COX17: variants seen among roughly 807,000 people sequenced by gnomAD.
COX17 encodes the protein cytochrome c oxidase copper chaperone.
COX17 carries 1 observed loss-of-function variant against 6.3 expected under a neutral mutation model. The observed-to-expected ratio is 0.16, with a 90% CI of 0.06 to 0.75. The LOEUF is 0.75. Ranked by LOEUF, COX17 falls within the 30% of genes least tolerant of loss-of-function variation. COX17 has a pLI of 0.77. For missense variants in COX17, 73 were observed against 81.2 expected (o/e 0.90, Z 0.39); for synonymous variants, 26 against 30.5 (o/e 0.85, Z 0.49).
intron 1 of COX17, 94 bp downstream of exon 1, chr3:119,677,096 GGGCAGAGGGCAGAA>G (rs1355538979): frequency 8.0e-5 from 64 of 799,928 alleles, no homozygotes; most frequent in Admixed American, 1.9e-4. Context: ...AGAAGGCAGA[GGGCAGAGGGCAGAA>G]GGCAGAGGGC....
intron 2 of COX17, among the ~76,000 whole-genome samples, chr3:119,671,616 C>T (rs2053045011): frequency 1.3e-5 from 2 of 152,110 alleles, no homozygotes; most frequent in Admixed American, 1.3e-4. Context: ...GGGTTATATG[C>T]AACTGTACAT....
intron 2 of COX17, chr3:119,674,415 T>G (rs1303897381): frequency 6.6e-6 from 1 of 152,240 alleles, no homozygotes; most frequent in African/African-American, 2.4e-5. Flanking sequence ...GCCTGAGGCT[T>G]TAGTTTTATT....
intron 1 of COX17, among the ~76,000 whole-genome samples, chr3:119,676,418 G>A (rs190350886): frequency 1.0e-3 from 155 of 152,330 alleles, no homozygotes; most frequent in African/African-American, 3.5e-3. Flanking sequence ...AGGGGCCAGA[G>A]GAAGAGATGC....
chr3:119,675,512 T>C (rs2053090888), intron 1 of COX17: 1 of 325,750 alleles, frequency 3.1e-6, no homozygotes. Flanking sequence ...GGAGTAACAC[T>C]GCTCTATAAA....
At chr3:119,667,720 CACACACACAGAG>C (rs1202379932), downstream of COX17, among the ~76,000 whole-genome samples, 431 of 116,612 alleles carry the variant, frequency 3.7e-3, 9 homozygotes, top group East Asian at 0.075. Context: ...CACACACACA[CACACACACAGAG>C]AGAGAGAGAC....
At chr3:119,666,766 G>C (rs921242967), downstream of COX17, among the ~76,000 whole-genome samples, 3 of 152,094 alleles carry the variant, frequency 2.0e-5, no homozygotes, top group Non-Finnish European at 4.4e-5. Flanking sequence ...CTTGAAAAAC[G>C]TGTCTGATTC....
chr3:119,667,728 CAGAGAG>C (rs61480242), downstream of COX17, among the ~76,000 whole-genome samples: 1,721 of 67,556 alleles, frequency 0.025, 22 homozygotes, highest in South Asian at 0.083. Context: ...CACACACACA[CAGAGAG>C]AGAGAGACAG....
intron 1 of COX17, chr3:119,676,901 C>CCT (rs1559736155): frequency 4.3e-6 from 3 of 702,812 alleles, no homozygotes; most frequent in Non-Finnish European, 5.2e-6. Flanking sequence ...TTGCCGTTCT[C>CCT]CTCTCTCTCC....
intron 2 of COX17, 81 bp downstream of exon 2, chr3:119,675,063 GT>G: frequency 1.0e-6 from 1 of 977,138 alleles, no homozygotes; most frequent in Non-Finnish European, 1.6e-6. Context: ...GATTAACCAG[GT>G]GAACTACCTT....
Position 119,677,275 on chromosome 3 carries a change from A to G in COX17, c.36T>C (p.Pro12=), listed in dbSNP as rs1314137115. 6.2e-7 allele frequency: 1 copy of G among 1,611,704 alleles called. No individual in the cohort carries two copies. The highest frequency in any genetic ancestry group is 1.7e-5 in the Admixed American group (1 of 59,972). ...TCAGCGGCTTCTTCTCCTGAGACTC[A>G]GGCGGGGCAGGGTTTGAGTCAACCA... is the stretch of plus-strand genomic sequence containing the variant. The part of the protein sequence containing the change: ...PGLVDSNPAP[P]ESQEKKPLKP... The change falls in exon 1 of 3, where the codon CCT becomes CCC. Residue 12 remains proline, a synonymous_variant. Transcript: ENST00000261070.
chr3:119,671,027 A>T (rs1286525036), intron 2 of COX17, among the ~76,000 whole-genome samples: 1 of 152,192 alleles, frequency 6.6e-6, no homozygotes, highest in Non-Finnish European at 1.5e-5. Context: ...GTCATAAAAT[A>T]GAAAAAAATT....
At chr3:119,669,853 CATT>C (rs900956844) in intron 2 of COX17, among the ~76,000 whole-genome samples, 188 bp from the exon 3 acceptor site, 3 of 152,078 alleles carry the variant, frequency 2.0e-5, no homozygotes, top group Non-Finnish European at 2.9e-5. Context: ...TAACTAAAAA[CATT>C]AGTGAAATTA....
chr3:119,668,773 T>C (rs1006453569), downstream of COX17, among the ~76,000 whole-genome samples: 1 of 152,032 alleles, frequency 6.6e-6, no homozygotes, highest in African/African-American at 2.4e-5. Context: ...AATTATGTTC[T>C]CAGTATCTTT....
At chr3:119,675,266 T>C in intron 1 of COX17, 33 bp from the exon 2 acceptor site, 4 of 1,433,510 alleles carry the variant, frequency 2.8e-6, no homozygotes, top group Non-Finnish European at 3.9e-6. Flanking sequence ...TATCTAAATA[T>C]GCATTAAGCA....
downstream of COX17, among the ~76,000 whole-genome samples, chr3:119,668,544 C>T (rs1210540515): frequency 6.7e-6 from 1 of 149,100 alleles, no homozygotes; most frequent in Non-Finnish European, 1.5e-5. Context: ...TACTTCTATA[C>T]CTTTTTTTTT....
intron 1 of COX17, 40 bp downstream of exon 1, chr3:119,677,164 C>T (rs750401989): frequency 2.6e-6 from 4 of 1,537,752 alleles, no homozygotes; most frequent in Admixed American, 1.8e-5. Context: ...GGCCGCGGCC[C>T]GGGGCTCGTC....
intron 2 of COX17, among the ~76,000 whole-genome samples, chr3:119,670,121 G>A (rs895073973): frequency 6.6e-6 from 1 of 152,128 alleles, no homozygotes; most frequent in Admixed American, 6.6e-5. Context: ...GGCACTTCCT[G>A]TGGAAAGTTA....
chr3:119,675,210 T>C lies in COX17; in HGVS notation c.131A>G (p.His44Arg), dbSNP rs754629509. Residue 44 changes from histidine (H) to arginine (R), a missense_variant, in exon 2 of 3, where the codon CAC becomes CGC. Coordinates refer to ENST00000261070, the MANE Select transcript of COX17 (RefSeq NM_005694.2). ...GTGGGCCTCAATTAGATGTCCACAG[T>C]GTTCTTCTCCTTTCTCGATGATACT... Reference protein sequence around the residue: ...DACIIEKGEEHCGHLIEAHKE... With the variant: ...DACIIEKGEERCGHLIEAHKE... 3 of 1,612,884 alleles carry C rather than the reference T, an allele frequency of 1.9e-6. No individual in the cohort carries two copies. Among genetic ancestry groups the C allele is most frequent in the Admixed American group, 3.3e-5 (2 of 60,026 alleles).
chr3:119,672,409 G>C (rs935435382), intron 2 of COX17, among the ~76,000 whole-genome samples: 8 of 152,056 alleles, frequency 5.3e-5, no homozygotes, highest in Admixed American at 5.2e-4. Flanking sequence ...CACCTTTGTG[G>C]TTCAGATGAA....
Sources: allele counts gnomAD v4.1 joint callset (sites outside exome capture counted in the v4.1 genomes callset), GRCh38; gene constraint gnomAD v4.1.1; transcripts MANE v1.5; gene names NCBI Gene and HGNC (gene_info 2026-07-23, HGNC 2026-07-21).